RGS7: variants seen among roughly 807,000 people sequenced by gnomAD.
RGS7 encodes regulator of G-protein signaling 7.
Under a neutral mutation model 81.1 loss-of-function variants are expected in RGS7, and 27 were observed. The observed-to-expected ratio is 0.33, with a 90% confidence interval of 0.25 to 0.46. RGS7 has a LOEUF of 0.46. Among genes scored for constraint, RGS7 ranks in the 20% least tolerant of loss-of-function variants. The probability of loss-of-function intolerance (pLI) is 1.00; values close to 1 mark genes in which losing one functional copy is unlikely to be tolerated. For missense variants in RGS7, 396 were observed against 607.4 expected (o/e 0.65, Z 3.66); for synonymous variants, 208 against 207.7 (o/e 1.00, Z -0.01).
At chr1:241,086,649 A>G (rs940129344) in intron 3 of RGS7, among the ~76,000 whole-genome samples, 1 of 151,904 alleles carries the variant, frequency 6.6e-6, no homozygotes, top group African/African-American at 2.4e-5. Flanking sequence ...AAAAAAAAAA[A>G]GAAAAACAAA....
At chr1:240,932,755 G>T (rs1444160857) in intron 5 of RGS7, among the ~76,000 whole-genome samples, 1 of 147,776 alleles carries the variant, frequency 6.8e-6, no homozygotes, top group African/African-American at 2.5e-5. Context: ...TGATCCGCCT[G>T]CCTCGGCCTC....
chr1:240,875,449 T>C (rs1394243692), intron 6 of RGS7, among the ~76,000 whole-genome samples: 1 of 152,228 alleles, frequency 6.6e-6, no homozygotes, highest in African/African-American at 2.4e-5. Flanking sequence ...GACACTTAGG[T>C]TGATTCTGTA....
At chr1:241,188,285 TCACACACACACACA>T (rs59722851) in intron 2 of RGS7, among the ~76,000 whole-genome samples, 1 of 148,044 alleles carries the variant, frequency 6.8e-6, no homozygotes, top group Non-Finnish European at 1.5e-5. Flanking sequence ...TCTTTTATCC[TCACACACACACACA>T]CACACACACA....
intron 18 of RGS7, among the ~76,000 whole-genome samples, chr1:240,795,881 G>C (rs1331644935): frequency 6.6e-6 from 1 of 152,164 alleles, no homozygotes; most frequent in East Asian, 1.9e-4. Context: ...TGTCTGGGTA[G>C]AGAGGGTCAT....
At chr1:240,924,401 G>A (rs1175991652) in intron 6 of RGS7, among the ~76,000 whole-genome samples, 1 of 152,138 alleles carries the variant, frequency 6.6e-6, no homozygotes, top group African/African-American at 2.4e-5. Flanking sequence ...GAAAAGACAG[G>A]CCTTCCATTG....
intron 3 of RGS7, among the ~76,000 whole-genome samples, chr1:241,045,992 C>T (rs1343356903): frequency 6.7e-6 from 1 of 148,238 alleles, no homozygotes; most frequent in Non-Finnish European, 1.5e-5. Context: ...TGGAAAGTAC[C>T]TTTGGCATTT....
chr1:240,804,537 AT>A (rs138542840), intron 15 of RGS7, among the ~76,000 whole-genome samples: 3 of 151,740 alleles, frequency 2.0e-5, no homozygotes, highest in South Asian at 2.1e-4. Context: ...TTTCTATAGA[AT>A]TTTTTTTTCT....
intron 4 of RGS7, among the ~76,000 whole-genome samples, chr1:240,951,538 T>A (rs1310935590): frequency 6.6e-6 from 1 of 152,058 alleles, no homozygotes; most frequent in Non-Finnish European, 1.5e-5. Flanking sequence ...TACACAACTC[T>A]AAGGAAAGAA....
intron 18 of RGS7, among the ~76,000 whole-genome samples, chr1:240,776,427 C>T (rs573554773): frequency 2.0e-5 from 3 of 151,918 alleles, no homozygotes; most frequent in South Asian, 4.1e-4. Flanking sequence ...TCCCTCCCTC[C>T]ACCCTCCTAC....
At chr1:241,128,179 A>C (rs2103025871) in intron 2 of RGS7, among the ~76,000 whole-genome samples, 1 of 152,024 alleles carries the variant, frequency 6.6e-6, no homozygotes, top group African/African-American at 2.4e-5. Flanking sequence ...AGGGAGGCTG[A>C]GGCAGGAGAA....
chr1:241,077,688 C>T (rs1486976893), intron 3 of RGS7, among the ~76,000 whole-genome samples: 6 of 152,208 alleles, frequency 3.9e-5, no homozygotes, highest in Middle Eastern at 3.2e-3. Flanking sequence ...CAGCTCTGTG[C>T]GCTGTTTGCC....
At chr1:241,068,825 G>C (rs867243415) in intron 3 of RGS7, among the ~76,000 whole-genome samples, 1 of 152,192 alleles carries the variant, frequency 6.6e-6, no homozygotes, top group African/African-American at 2.4e-5. Context: ...TGTTGGAGGC[G>C]GGGCCTGTTG....
chr1:241,322,803 A>G (rs1180448237), intron 2 of RGS7, among the ~76,000 whole-genome samples: 1 of 152,230 alleles, frequency 6.6e-6, no homozygotes, highest in Non-Finnish European at 1.5e-5. Context: ...CATATCACCA[A>G]TAGCCTTACC....
At chr1:241,004,852 A>G (rs530442111) in intron 3 of RGS7, among the ~76,000 whole-genome samples, 44 of 152,242 alleles carry the variant, frequency 2.9e-4, no homozygotes, top group African/African-American at 9.4e-4. Context: ...GCTGGCTTTG[A>G]GGAGAAGGGG....
At chr1:240,822,945 C>T (rs992188042) in intron 10 of RGS7, 4 of 461,228 alleles carry the variant, frequency 8.7e-6, no homozygotes, top group East Asian at 8.3e-5. Flanking sequence ...AAACAGTGAA[C>T]GAATAAATAA....
In RGS7 at chr1:240,814,705, G is replaced by C. The variant is rs765958534; in HGVS notation, c.845+11C>G. ...ATTTTAAAATTTATACAGACACTTT[G>C]AAATACTCACCTGTCAGCGACTTTT... On this transcript the variant is annotated intron_variant, in intron 12 of 18. Coordinates refer to ENST00000440928, the MANE Select transcript of RGS7 (RefSeq NM_001364886.1). The C allele has an allele frequency of 3.3e-6, 5 of 1,536,884 alleles. No homozygotes were observed. In the South Asian group the frequency reaches 4.5e-5, roughly 14 times the overall value.
intron 3 of RGS7, among the ~76,000 whole-genome samples, chr1:241,029,958 C>T (rs774799121): frequency 6.6e-6 from 1 of 152,188 alleles, no homozygotes; most frequent in Admixed American, 6.5e-5. Context: ...ATAACAGGCA[C>T]CTCCATTACA....
chr1:241,259,665 A>ATAT (rs1441232473), intron 2 of RGS7, among the ~76,000 whole-genome samples: 43 of 56,712 alleles, frequency 7.6e-4, no homozygotes, highest in East Asian at 4.7e-3. Flanking sequence ...AAAAAAAAAA[A>ATAT]AAATATATAT....
At chr1:241,335,935 T>C (rs902676481) in intron 2 of RGS7, among the ~76,000 whole-genome samples, 34 of 152,142 alleles carry the variant, frequency 2.2e-4, no homozygotes, top group Non-Finnish European at 4.7e-4. Flanking sequence ...TGAGTGTGTG[T>C]TTCACTATAT....
Sources: allele counts gnomAD v4.1 joint callset (sites outside exome capture counted in the v4.1 genomes callset), GRCh38; gene constraint gnomAD v4.1.1; transcripts MANE v1.5; gene names NCBI Gene and HGNC (gene_info 2026-07-23, HGNC 2026-07-21).